The following SLC16A1 variants were observed in gnomAD, a reference collection of about 807,000 sequenced individuals.
SLC16A1 encodes monocarboxylate transporter 1.
In SLC16A1, 11 loss-of-function variants were observed where a neutral mutation model predicts 32.2. That is an observed-to-expected ratio of 0.34 (90% CI 0.21 to 0.56). The LOEUF is 0.56. SLC16A1 is among the 20% of genes least tolerant of loss of function. The pLI is 0.87. For synonymous variants in SLC16A1, 231 were observed against 226.8 expected (o/e 1.02, Z -0.17); for missense variants, 435 against 615.0 (o/e 0.71, Z 3.10).
chr1:112,914,308 G>T, intron 4 of SLC16A1, 143 bp from the exon 5 acceptor site: 1 of 846,200 alleles, frequency 1.2e-6, no homozygotes, highest in Non-Finnish European at 1.9e-6. Flanking sequence ...ATAAGGAATT[G>T]CTGAAAATTA....
rs1649037330 is a variant in SLC16A1 at position 112,929,141 on chromosome 1, G to A, written c.168C>T (p.Ser56=). The change falls in exon 2 of 5, where the codon AGC becomes AGT. Residue 56 remains serine, a synonymous_variant. Transcript: ENST00000369626. ...TTATGGAGGATATCCATGACACTTC[G>A]CTGGTGGTGGCATGGAATATACCTT... ...EIEGIFHATT[S]EVSWISSIML... The A allele has an allele frequency of 4.3e-6, 7 of 1,613,654 alleles. No individual in the cohort carries two copies. The highest frequency in any genetic ancestry group is 3.3e-5 in the South Asian group (3 of 91,072).
intron 1 of SLC16A1, among the ~76,000 whole-genome samples, chr1:112,936,151 C>G (rs553295987): frequency 6.6e-5 from 10 of 152,260 alleles, no homozygotes; most frequent in African/African-American, 2.4e-4. Flanking sequence ...CATTTTAATT[C>G]AAATAAATGT....
chr1:112,943,007 GT>G (rs1649562841), intron 1 of SLC16A1, among the ~76,000 whole-genome samples: 1 of 152,046 alleles, frequency 6.6e-6, no homozygotes, highest in African/African-American at 2.4e-5. Flanking sequence ...CTCAGCCAAC[GT>G]TATGTTAAAT....
intron 4 of SLC16A1, chr1:112,916,977 T>G: frequency 1.4e-6 from 1 of 702,684 alleles, no homozygotes; most frequent in South Asian, 1.7e-5. Context: ...TGATCCCCCT[T>G]TTGCCTTGAT....
Position 112,912,505 on chromosome 1 carries a change from T to C in SLC16A1, c.*1386A>G, listed in dbSNP as rs1420596296. 2.6e-5 allele frequency: 4 copies of C among 152,154 alleles called. No homozygotes were observed. Among genetic ancestry groups the C allele is most frequent in the Admixed American group, 6.5e-5 (1 of 15,274 alleles). 9.4% of individuals were successfully genotyped at this position (152,154 alleles called of 1,614,324 possible). Reference sequence around the variant, plus strand: ...TCTTTCTGCCTCGATTTAAGTGATATTAGGTTAAAAAAATATTTACAGTTT... The same window carrying C: ...TCTTTCTGCCTCGATTTAAGTGATACTAGGTTAAAAAAATATTTACAGTTT... On this transcript the variant is annotated 3_prime_UTR_variant, in exon 5 of 5. Coordinates refer to ENST00000369626, the MANE Select transcript of SLC16A1 (RefSeq NM_003051.4).
chr1:112,914,657 A>G (rs1648440271), intron 4 of SLC16A1, among the ~76,000 whole-genome samples: 2 of 152,262 alleles, frequency 1.3e-5, no homozygotes, highest in South Asian at 4.1e-4. Flanking sequence ...TATAACAGGC[A>G]GATTCTATTA....
chr1:112,944,437 G>A (rs769364830), intron 1 of SLC16A1, among the ~76,000 whole-genome samples: 10 of 152,044 alleles, frequency 6.6e-5, no homozygotes, highest in South Asian at 2.1e-4. Flanking sequence ...GAGTGAACCC[G>A]TCTCAAAAAA....
intron 4 of SLC16A1, among the ~76,000 whole-genome samples, chr1:112,915,267 A>T (rs991402983): frequency 6.6e-6 from 1 of 152,190 alleles, no homozygotes; most frequent in Non-Finnish European, 1.5e-5. Context: ...AGCTTTCCTT[A>T]AAGTGTCAAC....
chr1:112,948,603 A>C (rs1263018774), intron 1 of SLC16A1, among the ~76,000 whole-genome samples: 2 of 151,566 alleles, frequency 1.3e-5, no homozygotes, highest in Non-Finnish European at 2.9e-5. Flanking sequence ...TCCCGGGTTC[A>C]AGCAGTTCTC....
intron 1 of SLC16A1, among the ~76,000 whole-genome samples, chr1:112,934,081 A>T (rs1169682158): frequency 2.0e-5 from 3 of 152,252 alleles, no homozygotes; most frequent in Non-Finnish European, 4.4e-5. Flanking sequence ...AGGAAAAAAA[A>T]GCTAGACAAA....
In SLC16A1 at chr1:112,917,746, A is replaced by G; in HGVS notation, c.660T>C (p.Ser220=). ...CATCATGCAGATCTTTTTTCACACC[A>G]GATTTTCCAGCTTTCTCAAGGGATG... ...SKASLEKAGK[S]GVKKDLHDAN... is the part of the protein sequence containing the mutation. The change falls in exon 4 of 5, where the codon TCT becomes TCC. Residue 220 remains serine (S), a synonymous_variant. Transcript: ENST00000369626. The surrounding 1 kb of genome is among the most constrained non-coding windows in gnomAD (Gnocchi z 4.1). The G allele has an allele frequency of 6.2e-7, 1 of 1,614,232 alleles. No individual in the cohort carries two copies. The highest frequency in any genetic ancestry group is 1.3e-5 in the African/African-American group (1 of 75,054).
intron 1 of SLC16A1, among the ~76,000 whole-genome samples, chr1:112,947,238 A>T (rs1170335680): frequency 6.6e-6 from 1 of 152,236 alleles, no homozygotes; most frequent in Admixed American, 6.5e-5. Context: ...GGGCCATTTA[A>T]ATTTATTAAC....
At chr1:112,933,176 A>G (rs1423184480) in intron 1 of SLC16A1, among the ~76,000 whole-genome samples, 1 of 152,176 alleles carries the variant, frequency 6.6e-6, no homozygotes, top group Non-Finnish European at 1.5e-5. Flanking sequence ...AGAAACAACT[A>G]TAAAAAAAGT....
chr1:112,953,445 G>A (rs1247430259), intron 1 of SLC16A1, among the ~76,000 whole-genome samples: 1 of 152,322 alleles, frequency 6.6e-6, no homozygotes, highest in African/African-American at 2.4e-5. Context: ...TTACAGGCGT[G>A]AGCCACCAGC....
intron 3 of SLC16A1, among the ~76,000 whole-genome samples, chr1:112,920,714 GA>G (rs1648694323): frequency 6.6e-6 from 1 of 152,012 alleles, no homozygotes; most frequent in Non-Finnish European, 1.5e-5. Context: ...TCTTGGAGTA[GA>G]AAACAACTTT....
intron 3 of SLC16A1, among the ~76,000 whole-genome samples, chr1:112,919,815 T>A (rs1275164096): frequency 2.0e-5 from 3 of 152,240 alleles, no homozygotes; most frequent in African/African-American, 7.2e-5. Context: ...TATGCAGGTC[T>A]CTACTTAAAG....
chr1:112,927,856 C>A (rs1208249179), intron 2 of SLC16A1, among the ~76,000 whole-genome samples: 5 of 152,164 alleles, frequency 3.3e-5, no homozygotes, highest in African/African-American at 1.2e-4. Flanking sequence ...ATGTAAACTT[C>A]TGGTTTGTAG....
At chr1:112,934,536 A>G (rs1399515716) in intron 1 of SLC16A1, among the ~76,000 whole-genome samples, 1 of 152,250 alleles carries the variant, frequency 6.6e-6, no homozygotes, top group African/African-American at 2.4e-5. Flanking sequence ...TTATACCTCA[A>G]TAAAGCTGAT....
At chr1:112,939,556 A>C (rs149567182) in intron 1 of SLC16A1, among the ~76,000 whole-genome samples, 2,059 of 152,282 alleles carry the variant, frequency 0.014, 14 homozygotes, top group Non-Finnish European at 0.022. Context: ...CCCAGGCTGG[A>C]GTGCAATGGC....
Sources: allele counts gnomAD v4.1 joint callset (sites outside exome capture counted in the v4.1 genomes callset), GRCh38; gene constraint gnomAD v4.1.1; non-coding constraint Gnocchi (gnomAD v3.1); transcripts MANE v1.5; gene names NCBI Gene and HGNC (gene_info 2026-07-23, HGNC 2026-07-21).